GNS: variants seen among roughly 807,000 people sequenced by gnomAD.
The protein encoded by GNS is N-acetylglucosamine-6-sulfatase.
GNS carries 40 observed loss-of-function variants against 69.7 expected under a neutral mutation model. The observed-to-expected ratio is 0.57, with a 90% CI of 0.45 to 0.75. The LOEUF is 0.75. Ranked by LOEUF, GNS falls within the 30% of genes least tolerant of loss-of-function variation. The probability of loss-of-function intolerance (pLI) is 0.00; values close to 1 mark genes in which losing one functional copy is unlikely to be tolerated. For synonymous variants in GNS, 243 were observed against 251.6 expected, an observed-to-expected ratio of 0.97 and a Z score of 0.32; for missense variants, 565 against 685.5, an observed-to-expected ratio of 0.82 and a Z score of 1.96.
chr12:64,721,645 T>C lies in GNS; in HGVS notation c.1369A>G (p.Thr457Ala). The change falls in exon 12 of 14, where the codon ACA becomes GCA. Residue 457 changes from threonine (T) to alanine (A), a missense_variant. Around this residue, in one of 2 missense-constraint regions of GNS, gnomAD observed 384 missense variants for 511.0 expected, o/e 0.75. Coordinates refer to ENST00000258145, the MANE Select transcript of GNS (RefSeq NM_002076.4). ...TGCAAATTCCACAATGCTGACATTG[T>C]CCTCACACAGGCATAGGTATTGTTA... is the stretch of plus-strand genomic sequence containing the variant. Reference protein sequence around the residue: ...AYNNTYACVRTMSALWNLQYC... With the variant: ...AYNNTYACVRAMSALWNLQYC... 1 of 1,602,108 alleles carries C rather than the reference T, an allele frequency of 6.2e-7. No individual in the cohort carries two copies. The highest frequency in any genetic ancestry group is 1.1e-5 in the South Asian group (1 of 90,834).
At chr12:64,750,197 C>A (rs1282265104) in intron 2 of GNS, among the ~76,000 whole-genome samples, 1 of 152,060 alleles carries the variant, frequency 6.6e-6, no homozygotes, top group African/African-American at 2.4e-5. Context: ...TAGGCGCTCG[C>A]CACCACGCCC....
At chr12:64,735,680 T>C (rs1168132822) in intron 9 of GNS, among the ~76,000 whole-genome samples, 2 of 152,226 alleles carry the variant, frequency 1.3e-5, no homozygotes. Context: ...AAACAGAACA[T>C]GGCTGCTGAC....
At chr12:64,719,118 T>G (rs895747362) in intron 13 of GNS, among the ~76,000 whole-genome samples, 3 of 152,258 alleles carry the variant, frequency 2.0e-5, no homozygotes, top group African/African-American at 7.2e-5. Flanking sequence ...CATGCCACTT[T>G]GGCACTATAT....
chr12:64,720,274 A>T, intron 12 of GNS, 92 bp from the exon 13 acceptor site: 1 of 847,346 alleles, frequency 1.2e-6, no homozygotes, highest in Non-Finnish European at 2.0e-6. Context: ...AGGGGAAGGG[A>T]GGAGGTAGAT....
At chr12:64,722,063 C>T (rs1009357647) in intron 11 of GNS, among the ~76,000 whole-genome samples, 3 of 150,838 alleles carry the variant, frequency 2.0e-5, no homozygotes, top group Non-Finnish European at 4.4e-5. Flanking sequence ...TTGCTCTTGT[C>T]GTGCAGGCTA....
chr12:64,747,287 A>G (rs537197174), intron 3 of GNS, among the ~76,000 whole-genome samples: 98 of 152,384 alleles, frequency 6.4e-4, no homozygotes, highest in African/African-American at 2.3e-3. Flanking sequence ...AAAAGATTCT[A>G]AGAAATCTGA....
intron 7 of GNS, 79 bp from the exon 8 acceptor site, chr12:64,739,578 A>T: frequency 1.4e-6 from 1 of 730,142 alleles, no homozygotes; most frequent in African/African-American, 1.8e-5. Context: ...AAAAAAAAAA[A>T]CCAAAAACAA....
At chr12:64,720,791 T>C (rs1458024634) in intron 12 of GNS, among the ~76,000 whole-genome samples, 1 of 152,202 alleles carries the variant, frequency 6.6e-6, no homozygotes, top group Non-Finnish European at 1.5e-5. Context: ...GTTCTCCAAA[T>C]TGGAGTCAAA....
intron 11 of GNS, chr12:64,722,719 T>G: frequency 2.6e-6 from 1 of 391,562 alleles, no homozygotes. Context: ...AATGGTACTG[T>G]TATTGGGAGG....
At chr12:64,745,821 G>C in intron 3 of GNS, 97 bp from the exon 4 acceptor site, 1 of 783,750 alleles carries the variant, frequency 1.3e-6, no homozygotes, top group Non-Finnish European at 2.3e-6. Flanking sequence ...ACCAGTGCCT[G>C]AAACATAGTA....
chr12:64,744,859 C>T lies in GNS; in HGVS notation c.574G>A (p.Ala192Thr). 1 of 1,569,830 alleles carries T rather than the reference C, an allele frequency of 6.4e-7. No individual in the cohort carries two copies. Residue 192 changes from alanine (A) to threonine (T), a missense_variant, in exon 5 of 14, where the codon GCA (alanine) becomes ACA (threonine). Ala to Thr is a moderately conservative substitution (Grantham distance 58, BLOSUM62 0). Transcript: ENST00000258145. Reference sequence around the variant, plus strand: ...CTATAGTTTTCACCATGCTTCCGTGCCTTCCCATTGATAGACAGGGTGTAA... The same window carrying T: ...CTATAGTTTTCACCATGCTTCCGTGTCTTCCCATTGATAGACAGGGTGTAA... ...YNYTLSINGKARKHGENYSVD... is the reference protein window; with the variant it reads ...YNYTLSINGKTRKHGENYSVD...
At chr12:64,742,415 T>C (rs564157024) in intron 6 of GNS, among the ~76,000 whole-genome samples, 30 of 152,368 alleles carry the variant, frequency 2.0e-4, no homozygotes, top group Middle Eastern at 3.4e-3. Context: ...ATTGTTTCTA[T>C]GTACTTGAAT....
At chr12:64,745,207 T>A (rs1249884818) in intron 4 of GNS, among the ~76,000 whole-genome samples, 3 of 15,954 alleles carry the variant, frequency 1.9e-4, no homozygotes, top group African/African-American at 1.1e-3. Context: ...CAATAGACTT[T>A]TTTTTTTTTT....
chr12:64,723,694 C>A (rs1488797600), intron 10 of GNS, among the ~76,000 whole-genome samples: 2 of 152,158 alleles, frequency 1.3e-5, no homozygotes, highest in Non-Finnish European at 2.9e-5. Flanking sequence ...GTTTAAGACA[C>A]AAATGGTGAA....
intron 9 of GNS, among the ~76,000 whole-genome samples, chr12:64,736,734 G>A (rs1470251960): frequency 2.0e-5 from 3 of 152,116 alleles, no homozygotes; most frequent in Admixed American, 6.5e-5. Flanking sequence ...GAGAGTCACT[G>A]CTCCAGAACA....
Position 64,714,843 on chromosome 12 carries a change from A to G in GNS, c.*1898T>C, listed in dbSNP as rs1032355059. On this transcript the variant is annotated 3_prime_UTR_variant, in exon 14 of 14. Transcript: ENST00000258145. ...AAAAGAAAGCCGATACCCATATTCAACAGTGCTTTCAGTTACAACATTTTT... is the reference window on the plus strand; with the variant it reads ...AAAAGAAAGCCGATACCCATATTCAGCAGTGCTTTCAGTTACAACATTTTT... 5.2e-5 allele frequency: 8 copies of G among 152,656 alleles called. No individual in the cohort carries two copies. The highest frequency in any genetic ancestry group is 1.9e-4 in the African/African-American group (8 of 41,456). 9.5% of individuals were successfully genotyped at this position (152,656 alleles called of 1,614,324 possible). A position where few individuals can be genotyped will look rare whatever the true frequency, so the allele number is the denominator to read the frequency against.
intron 11 of GNS, chr12:64,722,753 T>C (rs1869072592): frequency 2.2e-6 from 1 of 457,150 alleles, no homozygotes; most frequent in Non-Finnish European, 4.0e-6. Flanking sequence ...GGAAGAGGAA[T>C]TGATAAGAAC....
At position 64,724,860 on chromosome 12, in the gene GNS, C is replaced by T. The variant is rs559399799; in HGVS notation, c.1201-1747G>A. On this transcript the variant is annotated intron_variant, in intron 10 of 13. Transcript: ENST00000258145. ...TAGGTGACAGAGCGAGACTCTGTCT[C>T]GGAAAAAACAAACAAACAAACCTCA... Among the ~76,000 whole-genome samples, 7 of 152,074 alleles carry T rather than the reference C, an allele frequency of 4.6e-5. No homozygotes were observed. The South Asian group carries it at 6.2e-4, about 14-fold the overall frequency.
intron 2 of GNS, among the ~76,000 whole-genome samples, chr12:64,750,353 C>T (rs1196618534): frequency 2.0e-5 from 3 of 151,900 alleles, no homozygotes; most frequent in Non-Finnish European, 4.4e-5. Context: ...TGGCCCAATG[C>T]CCAGGTATTT....
Sources: allele counts gnomAD v4.1 joint callset (sites outside exome capture counted in the v4.1 genomes callset), GRCh38; gene constraint gnomAD v4.1.1; regional missense constraint gnomAD v4.1.1; transcripts MANE v1.5; gene names NCBI Gene and HGNC (gene_info 2026-07-23, HGNC 2026-07-21).